The following NLGN4X variants were observed in gnomAD, a reference collection of about 807,000 sequenced individuals.
NLGN4X encodes the protein neuroligin-4, X-linked.
A neutral mutation model predicts 40.3 loss-of-function variants in NLGN4X; 3 were observed. That is an observed-to-expected ratio of 0.07 (90% confidence interval 0.03 to 0.19). NLGN4X has a LOEUF of 0.19. NLGN4X is among the 10% of genes least tolerant of loss of function. The pLI is 1.00. For missense variants in NLGN4X, 382 were observed against 708.3 expected (o/e 0.54, Z 5.23); for synonymous variants, 270 against 306.8 (o/e 0.88, Z 1.25).
intron 3 of NLGN4X, among the ~76,000 whole-genome samples, chrX:5,935,216 T>G (rs890731922): frequency 1.8e-5 from 2 of 111,958 alleles, no homozygotes; most frequent in African/African-American, 6.5e-5. Flanking sequence ...ATTTGCTACA[T>G]GAAAAAATTA....
chrX:5,944,350 A>C (rs2034051771), intron 3 of NLGN4X, among the ~76,000 whole-genome samples: 1 of 111,137 alleles, frequency 9.0e-6, no homozygotes, highest in Non-Finnish European at 1.9e-5. Flanking sequence ...ATCAATTAGA[A>C]GATACCCAAA....
chrX:6,168,250 A>G (rs755899450), intron 1 of NLGN4X, among the ~76,000 whole-genome samples: 33 of 112,140 alleles, frequency 2.9e-4, no homozygotes, highest in African/African-American at 9.4e-4. Flanking sequence ...GTCCACATCT[A>G]TAACATCTTC....
intron 2 of NLGN4X, among the ~76,000 whole-genome samples, chrX:6,148,765 C>T (rs949306769): frequency 4.5e-5 from 5 of 111,652 alleles, no homozygotes; most frequent in Non-Finnish European, 9.4e-5. Flanking sequence ...CTGCCTGCCT[C>T]GGCCTCCCAA....
At chrX:6,224,778 A>G (rs1409338974) in intron 1 of NLGN4X, among the ~76,000 whole-genome samples, 2 of 108,428 alleles carry the variant, frequency 1.8e-5, no homozygotes, top group African/African-American at 3.4e-5. Context: ...CCACTGGAGA[A>G]GAAAACATCA....
intron 2 of NLGN4X, among the ~76,000 whole-genome samples, chrX:6,141,732 T>C (rs971558580): frequency 1.2e-4 from 13 of 110,758 alleles, no homozygotes; most frequent in Non-Finnish European, 2.1e-4. Flanking sequence ...GGCAGGAGAA[T>C]CACTTGAACC....
intron 3 of NLGN4X, among the ~76,000 whole-genome samples, chrX:5,977,809 T>G (rs2035222285): frequency 8.9e-6 from 1 of 111,866 alleles, no homozygotes; most frequent in South Asian, 3.7e-4. Context: ...AATGATTTGC[T>G]TCAACCCTCA....
intron 1 of NLGN4X, among the ~76,000 whole-genome samples, chrX:6,192,391 G>A (rs780491152): frequency 3.6e-5 from 4 of 111,880 alleles, no homozygotes; most frequent in African/African-American, 6.5e-5. Context: ...GCCTCCCAAC[G>A]TGTTGGGATT....
intron 2 of NLGN4X, among the ~76,000 whole-genome samples, chrX:6,068,963 A>T (rs1439758136): frequency 8.9e-6 from 1 of 112,467 alleles, no homozygotes; most frequent in East Asian, 2.8e-4. Flanking sequence ...ATGAAGTAAC[A>T]AGGCATATAA....
rs964421658 is a variant in NLGN4X, at chrX:5,939,875, T to G, written c.626-30636A>C. Among the ~76,000 whole-genome samples the G allele has an allele frequency of 7.1e-5, 8 of 112,009 alleles. No homozygotes were observed. In the East Asian group the frequency reaches 2.3e-3, roughly 32 times the overall value. On this transcript the variant is annotated intron_variant, in intron 3 of 5. Coordinates refer to ENST00000381095, the MANE Select transcript of NLGN4X (RefSeq NM_181332.3). The stretch of plus-strand genomic sequence containing the variant: ...GCAAATTGCCCTATTTTTAACTACC[T>G]GGAGGTTCTTTCTGCGTAGATGTTA...
intron 2 of NLGN4X, among the ~76,000 whole-genome samples, chrX:6,053,596 A>G (rs1007986463): frequency 2.7e-5 from 3 of 111,578 alleles, no homozygotes; most frequent in Non-Finnish European, 5.6e-5. Flanking sequence ...ATGCATTTCC[A>G]TCCAGAGAGA....
At chrX:6,100,833 C>T (rs962922982) in intron 2 of NLGN4X, among the ~76,000 whole-genome samples, 5 of 111,333 alleles carry the variant, frequency 4.5e-5, no homozygotes, top group African/African-American at 1.3e-4. Context: ...ATTCTGAAGA[C>T]GATAAGCAGA....
At chrX:6,219,176 C>T (rs74695221) in intron 1 of NLGN4X, among the ~76,000 whole-genome samples, 4 of 87,831 alleles carry the variant, frequency 4.6e-5, no homozygotes, top group Admixed American at 2.7e-4. Flanking sequence ...TATATATATA[C>T]ACACACACAA....
intron 1 of NLGN4X, among the ~76,000 whole-genome samples, chrX:6,212,278 G>A (rs1170374403): frequency 9.2e-6 from 1 of 108,209 alleles, no homozygotes; most frequent in African/African-American, 3.4e-5. Context: ...AAATGGCTAC[G>A]ATTTGCTTAT....
At chrX:6,084,834 G>A (rs1279809078) in intron 2 of NLGN4X, among the ~76,000 whole-genome samples, 2 of 110,565 alleles carry the variant, frequency 1.8e-5, no homozygotes, top group Non-Finnish European at 3.8e-5. Context: ...CCAGATCATG[G>A]TGCCTTGATC....
At chrX:5,961,052 G>T in intron 3 of NLGN4X, among the ~76,000 whole-genome samples, 1 of 109,980 alleles carries the variant, frequency 9.1e-6, no homozygotes, top group South Asian at 3.9e-4. Flanking sequence ...ATTTGAGACG[G>T]AGTCTCCCTC....
At chrX:6,134,104 T>A (rs1467263822) in intron 2 of NLGN4X, among the ~76,000 whole-genome samples, 1 of 111,199 alleles carries the variant, frequency 9.0e-6, no homozygotes, top group Non-Finnish European at 1.9e-5. Context: ...TAAATACTTG[T>A]CCTGGTTGAG....
chrX:5,894,526 C>A (rs954036759), intron 5 of NLGN4X, among the ~76,000 whole-genome samples: 2 of 111,445 alleles, frequency 1.8e-5, no homozygotes, highest in Non-Finnish European at 3.8e-5. Flanking sequence ...AAAAAAGACA[C>A]CCAGAAACAA....
At chrX:6,001,417 A>T (rs958724849) in intron 3 of NLGN4X, among the ~76,000 whole-genome samples, 1 of 112,183 alleles carries the variant, frequency 8.9e-6, no homozygotes, top group Non-Finnish European at 1.9e-5. Flanking sequence ...GAAACAGCAT[A>T]ATTTAAATTA....
chrX:6,115,668 G>A (rs1292896157), intron 2 of NLGN4X, among the ~76,000 whole-genome samples: 1 of 111,966 alleles, frequency 8.9e-6, no homozygotes, highest in Non-Finnish European at 1.9e-5. Context: ...ATAGGACCAC[G>A]TGGAGGCAAA....
Sources: gnomAD v4.1 joint callset for allele counts (sites outside exome capture counted in the v4.1 genomes callset) on GRCh38, gnomAD v4.1.1 for gene constraint, MANE v1.5 for transcripts, NCBI Gene and HGNC (gene_info 2026-07-23, HGNC 2026-07-21) for gene names.